ZC3H6: variants seen among roughly 807,000 people sequenced by gnomAD.
ZC3H6 encodes zinc finger CCCH-type containing 6.
Under a neutral mutation model 107.7 loss-of-function variants are expected in ZC3H6, and 40 were observed. The ratio of observed to expected loss-of-function variants is 0.37; its 90% confidence interval spans 0.29 to 0.48. The LOEUF is 0.48. Among genes scored for constraint, ZC3H6 ranks in the 20% least tolerant of loss-of-function variants. The pLI is 0.98. For synonymous variants in ZC3H6, 493 were observed against 487.9 expected (o/e 1.01, Z -0.14); for missense variants, 1,267 against 1,410.4 (o/e 0.90, Z 1.63).
In ZC3H6 at chr2:112,309,975, T is replaced by C. The variant is rs1676564185; in HGVS notation, c.427T>C (p.Tyr143His). Reference protein sequence around the residue: ...KSKEYDEYSTYSDDNFGNYSD... With the variant: ...KSKEYDEYSTHSDDNFGNYSD... ...TAAAGAATATGATGAGTACAGCACC[T>C]ACAGTGATGACAACTTCGGTAACTA... Residue 143 changes from tyrosine (Y) to histidine (H), a missense_variant, in exon 4 of 12, where the codon TAC becomes CAC. Around this residue, in one of 3 missense-constraint regions of ZC3H6, gnomAD observed 337 missense variants for 361.2 expected, o/e 0.93. Coordinates refer to ENST00000409871, the MANE Select transcript of ZC3H6 (RefSeq NM_198581.3). 6.2e-7 allele frequency: 1 copy of C among 1,612,848 alleles called. No homozygotes were observed. The highest frequency in any genetic ancestry group is 1.3e-5 in the African/African-American group (1 of 75,034).
intron 1 of ZC3H6, among the ~76,000 whole-genome samples, chr2:112,297,500 A>G (rs1676261941): frequency 1.3e-5 from 2 of 152,218 alleles, no homozygotes; most frequent in Non-Finnish European, 2.9e-5. Flanking sequence ...AAGTATGATT[A>G]AATGTTAAAA....
chr2:112,329,525 T>G (rs1226845052), intron 11 of ZC3H6, among the ~76,000 whole-genome samples: 1 of 152,216 alleles, frequency 6.6e-6, no homozygotes, highest in African/African-American at 2.4e-5. Flanking sequence ...GATATTGAGA[T>G]CTGAGTAAAA....
chr2:112,298,998 G>T (rs1312756390), intron 1 of ZC3H6, among the ~76,000 whole-genome samples: 1 of 152,056 alleles, frequency 6.6e-6, no homozygotes. Context: ...ATTTGGCCGG[G>T]TGTGGTGGGT....
rs1292402056 is a variant in ZC3H6, at chr2:112,275,758, G to A, written c.-237G>A. On this transcript the variant is annotated 5_prime_UTR_variant, in exon 1 of 12. Coordinates refer to ENST00000409871, the MANE Select transcript of ZC3H6 (RefSeq NM_198581.3). ...AGACTAGAGCGGCAGCGCCGGCAGC[G>A]CGGGGCCGTTGCCCAGTGTTTGCAG... is the stretch of plus-strand genomic sequence containing the variant. 9.1e-6 allele frequency: 4 copies of A among 438,742 alleles called. No individual in the cohort carries two copies. Among genetic ancestry groups the A allele is most frequent in the East Asian group, 7.1e-5 (2 of 28,334 alleles). The allele number at this position is 438,742 out of a possible 1,614,324, so 27.2% of individuals were successfully genotyped here.
chr2:112,332,708 T>C lies in ZC3H6; in HGVS notation c.*220T>C, dbSNP rs543878545. On this transcript the variant is annotated 3_prime_UTR_variant, in exon 12 of 12. Coordinates refer to ENST00000409871, the MANE Select transcript of ZC3H6 (RefSeq NM_198581.3). ...CTGTAGTAATTGACCTAAAAACTTA[T>C]GTTAGCTTCAGTAAAAGTACTTTTA... is the stretch of plus-strand genomic sequence containing the variant. 10 of 366,206 alleles carry C rather than the reference T, an allele frequency of 2.7e-5. No homozygotes were observed. The South Asian group carries it at 4.8e-4, about 18-fold the overall frequency. The allele number at this position is 366,206 out of a possible 1,614,324, so 22.7% of individuals were successfully genotyped here.
Position 112,310,130 on chromosome 2 carries a change from A to G in ZC3H6, c.582A>G (p.Gly194=), listed in dbSNP as rs1676568054. The G allele has an allele frequency of 6.2e-7, 1 of 1,612,854 alleles. No homozygotes were observed. The highest frequency in any genetic ancestry group is 8.5e-7 in the Non-Finnish European group (1 of 1,179,426). The stretch of plus-strand genomic sequence containing the variant: ...GGTCATCATTTTCTAAAGAATCAGG[A>G]AAAAAACAGAGAATGAAAGGAGTTC... ...ALGSSFSKES[G]KKQRMKGVQQ... The change falls in exon 4 of 12, where the codon GGA becomes GGG. Residue 194 remains glycine (G), a synonymous_variant. Coordinates refer to ENST00000409871, the MANE Select transcript of ZC3H6 (RefSeq NM_198581.3).
chr2:112,286,931 C>A (rs1311782005), intron 1 of ZC3H6, among the ~76,000 whole-genome samples: 1 of 152,042 alleles, frequency 6.6e-6, no homozygotes, highest in South Asian at 2.1e-4. Context: ...CTATGCCCCC[C>A]ACTTGCAGTA....
intron 1 of ZC3H6, among the ~76,000 whole-genome samples, chr2:112,288,997 C>A (rs969843038): frequency 2.7e-5 from 4 of 148,852 alleles, no homozygotes; most frequent in African/African-American, 7.4e-5. Context: ...TGCCCACCCC[C>A]CCGCCACCAC....
chr2:112,330,896 TATAAATGTAGCCATA>T (rs1324001176), intron 11 of ZC3H6, 94 bp from the exon 12 acceptor site: 1 of 431,848 alleles, frequency 2.3e-6, no homozygotes, highest in Non-Finnish European at 3.3e-6. Flanking sequence ...TAAGGCTACA[TATAAATGTAGCCATA>T]TTATAAAGAA....
At chr2:112,322,420 A>AT (rs975230472) in intron 8 of ZC3H6, among the ~76,000 whole-genome samples, 13 of 150,030 alleles carry the variant, frequency 8.7e-5, no homozygotes, top group African/African-American at 2.5e-4. Context: ...TAATTTTTGC[A>AT]TTTTTTGTAG....
chr2:112,320,387 T>C (rs561130010), intron 7 of ZC3H6, among the ~76,000 whole-genome samples: 16 of 152,378 alleles, frequency 1.1e-4, no homozygotes, highest in Admixed American at 2.6e-4. Flanking sequence ...TTATCTTTAC[T>C]GATTTAAAAT....
rs1677031526 is a variant in ZC3H6, at chr2:112,331,526, A to C, written c.2608A>C (p.Lys870Gln). 2 of 1,613,994 alleles carry C rather than the reference A, an allele frequency of 1.2e-6. No homozygotes were observed. Among genetic ancestry groups the C allele is most frequent in the Non-Finnish European group, 8.5e-7 (1 of 1,179,892 alleles). Residue 870 changes from lysine (K) to glutamine (Q), a missense_variant, in exon 12 of 12, where the codon AAA (lysine) becomes CAA (glutamine). Around this residue, in one of 3 missense-constraint regions of ZC3H6, gnomAD observed 925 missense variants for 1,025.7 expected, o/e 0.90. Coordinates refer to ENST00000409871, the MANE Select transcript of ZC3H6 (RefSeq NM_198581.3). ...CATTAAAATGGACATTACTCTAACC[A>C]AACCCAACTTTGCAAAACACATCGT... ...SHIKMDITLT[K>Q]PNFAKHIVWA... is the part of the protein sequence containing the mutation.
rs1424870081 is a variant in ZC3H6 at position 112,339,240 on chromosome 2, G to T, written c.*6752G>T. ...TTTTTAAATAGAGAAAGTGAAAAATGATAAACTAACCATTATAAAATAGAG... is the reference window on the plus strand; with the variant it reads ...TTTTTAAATAGAGAAAGTGAAAAATTATAAACTAACCATTATAAAATAGAG... On this transcript the variant is annotated 3_prime_UTR_variant, in exon 12 of 12. Transcript: ENST00000409871. 3.3e-5 allele frequency: 5 copies of T among 152,042 alleles called. No individual in the cohort carries two copies. Among genetic ancestry groups the T allele is most frequent in the Non-Finnish European group, 7.4e-5 (5 of 68,004 alleles). 9.4% of individuals were successfully genotyped at this position (152,042 alleles called of 1,614,324 possible). A position where few individuals can be genotyped will look rare whatever the true frequency, so the allele number is the denominator to read the frequency against.
chr2:112,311,562 T>G (rs992988556), intron 4 of ZC3H6, among the ~76,000 whole-genome samples: 2 of 152,162 alleles, frequency 1.3e-5, no homozygotes, highest in Non-Finnish European at 2.9e-5. Context: ...GAATAAAACT[T>G]GATTTCGCTT....
intron 5 of ZC3H6, among the ~76,000 whole-genome samples, chr2:112,312,775 G>A (rs1264340886): frequency 5.3e-5 from 8 of 151,582 alleles, no homozygotes; most frequent in East Asian, 1.9e-4. Flanking sequence ...CAGAAGAGTC[G>A]CTTGAACCCA....
chr2:112,299,861 A>T lies in ZC3H6; in HGVS notation c.45A>T (p.Glu15Asp). ...EHAGHDREDG[E>D]LEDGEIDDAG... ...TTTCCTTCTATAGAGAAGATGGCGA[A>T]TTAGAAGATGGTGAAATAGACGATG... The change falls in exon 2 of 12, where the codon GAA becomes GAT. Residue 15 changes from glutamate to aspartate, a missense_variant. Glu to Asp is a conservative substitution (Grantham distance 45, BLOSUM62 2). Around this residue, in one of 3 missense-constraint regions of ZC3H6, gnomAD observed 337 missense variants for 361.2 expected, o/e 0.93. Coordinates refer to ENST00000409871, the MANE Select transcript of ZC3H6 (RefSeq NM_198581.3). 7.0e-7 allele frequency: 1 copy of T among 1,429,218 alleles called. No individual in the cohort carries two copies. The allele number at this position is 1,429,218 out of a possible 1,614,324, so 88.5% of individuals were successfully genotyped here. A position where few individuals can be genotyped will look rare whatever the true frequency, so the allele number is the denominator to read the frequency against.
chr2:112,323,157 G>T (rs1676837352), intron 9 of ZC3H6, among the ~76,000 whole-genome samples: 1 of 152,264 alleles, frequency 6.6e-6, no homozygotes, highest in African/African-American at 2.4e-5. Flanking sequence ...ACCCTGCCTG[G>T]TGGGTGGATT....
In ZC3H6 at chr2:112,339,384, C is replaced by CA. The variant is rs992036423; in HGVS notation, c.*6902dup. 2 of 152,020 alleles carry CA rather than the reference C, an allele frequency of 1.3e-5. No homozygotes were observed. Among genetic ancestry groups the CA allele is most frequent in the Non-Finnish European group, 2.9e-5 (2 of 67,972 alleles). 9.4% of individuals were successfully genotyped at this position (152,020 alleles called of 1,614,324 possible). ...GATATTTCCTTATAAAAGTGACAATCAAAAAAGACTCATTTGTATACTTGC... is the reference window on the plus strand; with the variant it reads ...GATATTTCCTTATAAAAGTGACAATCAAAAAAAGACTCATTTGTATACTTGC... On this transcript the variant is annotated 3_prime_UTR_variant, in exon 12 of 12. Transcript: ENST00000409871.
intron 1 of ZC3H6, among the ~76,000 whole-genome samples, chr2:112,291,527 C>G (rs1242437752): frequency 6.6e-6 from 1 of 152,202 alleles, no homozygotes; most frequent in Non-Finnish European, 1.5e-5. Flanking sequence ...AGCCACCGCG[C>G]CAGGCCTCAA....
Sources: allele counts gnomAD v4.1 joint callset (sites outside exome capture counted in the v4.1 genomes callset), GRCh38; gene constraint gnomAD v4.1.1; regional missense constraint gnomAD v4.1.1; transcripts MANE v1.5; gene names NCBI Gene and HGNC (gene_info 2026-07-23, HGNC 2026-07-21).